Variants in SYNE2 observed in about 807,000 individuals in gnomAD.
SYNE2 encodes spectrin repeat containing nuclear envelope protein 2, also known as nesprin-2.
Under a neutral mutation model 856.3 loss-of-function variants are expected in SYNE2, and 431 were observed. The observed-to-expected ratio is 0.50, with a 90% CI of 0.47 to 0.55. The LOEUF is 0.55. Among genes scored for constraint, SYNE2 ranks in the 20% least tolerant of loss-of-function variants. SYNE2 has a pLI of 0.00. For missense variants in SYNE2, 8,129 were observed against 8,023.2 expected (o/e 1.01, Z -0.50); for synonymous variants, 2,923 against 2,872.3 (o/e 1.02, Z -0.56).
intron 1 of SYNE2, among the ~76,000 whole-genome samples, chr14:63,805,258 C>T (rs1310261900): frequency 6.6e-6 from 1 of 152,134 alleles, no homozygotes; most frequent in Admixed American, 6.5e-5. Context: ...TGAAAAATGT[C>T]ATTGGTAGTT....
intron 100 of SYNE2, among the ~76,000 whole-genome samples, chr14:64,207,752 G>C (rs1391855774): frequency 6.6e-6 from 1 of 152,130 alleles, no homozygotes; most frequent in Non-Finnish European, 1.5e-5. Flanking sequence ...GTTAATAGTG[G>C]TTAAAGTAGT....
chr14:64,193,589 C>T (rs943991789), intron 99 of SYNE2, among the ~76,000 whole-genome samples: 1 of 152,002 alleles, frequency 6.6e-6, no homozygotes, highest in African/African-American at 2.4e-5. Context: ...CATAGGTACC[C>T]GGCCTTGTTA....
At chr14:63,804,484 T>A (rs145294954) in intron 1 of SYNE2, among the ~76,000 whole-genome samples, 59 of 152,200 alleles carry the variant, frequency 3.9e-4, no homozygotes, top group Non-Finnish European at 5.6e-4. Context: ...TTTCTTTTCT[T>A]TTCTTTTCCT....
intron 8 of SYNE2, among the ~76,000 whole-genome samples, chr14:63,955,785 A>G (rs8012022): frequency 0.19 from 29,639 of 152,152 alleles, 3,290 homozygotes; most frequent in African/African-American, 0.31. Flanking sequence ...TTTCTTATAG[A>G]TTTCATATAG....
intron 1 of SYNE2, among the ~76,000 whole-genome samples, chr14:63,814,721 C>CAT (rs1274280248): frequency 1.9e-4 from 17 of 88,866 alleles, no homozygotes; most frequent in African/African-American, 7.1e-4. Flanking sequence ...CATATATATC[C>CAT]ATATATATAT....
chr14:63,878,453 T>C (rs1056237154), intron 1 of SYNE2, among the ~76,000 whole-genome samples: 4 of 152,334 alleles, frequency 2.6e-5, no homozygotes, highest in Non-Finnish European at 5.9e-5. Context: ...CACACAAGAA[T>C]CAAGACAATC....
chr14:64,094,958 T>C (rs1264408794), intron 61 of SYNE2: 1 of 168,246 alleles, frequency 5.9e-6, no homozygotes, highest in South Asian at 2.1e-4. Flanking sequence ...TTAAAGTAGT[T>C]ATATTTTCTA....
At chr14:64,162,038 A>G (rs1595912040) in intron 87 of SYNE2, 34 bp from the exon 88 acceptor site, 1 of 1,612,996 alleles carries the variant, frequency 6.2e-7, no homozygotes. Flanking sequence ...GAAAGGAGAG[A>G]ATGAGGGTTA....
intron 79 of SYNE2, 134 bp from the exon 80 acceptor site, chr14:64,139,807 C>G: frequency 1.1e-6 from 1 of 889,896 alleles, no homozygotes; most frequent in East Asian, 2.5e-5. Context: ...TCCTTATTAA[C>G]GTCATGATAT....
chr14:64,094,070 C>A (rs535452721), intron 61 of SYNE2, among the ~76,000 whole-genome samples: 1 of 151,906 alleles, frequency 6.6e-6, no homozygotes, highest in Admixed American at 6.6e-5. Flanking sequence ...CGGTGGCTCA[C>A]GCCTGTAATC....
intron 1 of SYNE2, among the ~76,000 whole-genome samples, chr14:63,834,144 G>A (rs1889767326): frequency 6.6e-6 from 1 of 152,092 alleles, no homozygotes; most frequent in Non-Finnish European, 1.5e-5. Flanking sequence ...ACTCTTCTGA[G>A]TTTCTTAATT....
chr14:64,191,550 A>T (rs956743367), intron 99 of SYNE2, among the ~76,000 whole-genome samples: 1 of 152,214 alleles, frequency 6.6e-6, no homozygotes, highest in African/African-American at 2.4e-5. Flanking sequence ...GGAAGTGATG[A>T]GAAGCCCCAC....
At chr14:63,971,443 G>C (rs1406544588) in intron 11 of SYNE2, among the ~76,000 whole-genome samples, 3 of 151,888 alleles carry the variant, frequency 2.0e-5, no homozygotes, top group Admixed American at 6.6e-5. Context: ...CTAAGTTATT[G>C]TACAACTTTT....
chr14:63,954,816 A>G lies in SYNE2; in HGVS notation c.688A>G (p.Met230Val), dbSNP rs762228781. 8.1e-6 allele frequency: 13 copies of G among 1,613,992 alleles called. No individual in the cohort carries two copies. The highest frequency in any genetic ancestry group is 4.4e-5 in the South Asian group (4 of 91,078). Residue 230 changes from methionine (M) to valine (V), a missense_variant, in exon 8 of 116, where the codon ATG (methionine) becomes GTG (valine). Physicochemically the swap from Met to Val is conservative, Grantham distance 21. Coordinates refer to ENST00000555002, the MANE Select transcript of SYNE2 (RefSeq NM_182914.3). ...TGCCTTGCGACCAGACCTAATTGAC[A>G]TGAAGAGTGTGAAGCATAGATCCAA... ...IHALRPDLID[M>V]KSVKHRSNKD...
intron 1 of SYNE2, among the ~76,000 whole-genome samples, chr14:63,838,637 G>A (rs1889943169): frequency 1.3e-5 from 2 of 152,086 alleles, no homozygotes; most frequent in South Asian, 4.2e-4. Flanking sequence ...AGCCTCCGTA[G>A]TAGCCAGACT....
At chr14:64,105,617 C>G (rs942952234) in intron 64 of SYNE2, among the ~76,000 whole-genome samples, 2 of 152,206 alleles carry the variant, frequency 1.3e-5, no homozygotes, top group African/African-American at 4.8e-5. Context: ...ATTATAATAT[C>G]CACATGCTTT....
In SYNE2 at chr14:64,052,741, A is replaced by C. The variant is rs745483604; in HGVS notation, c.8828A>C (p.Lys2943Thr). 32 of 1,612,962 alleles carry C rather than the reference A, an allele frequency of 2.0e-5. No individual in the cohort carries two copies. The highest frequency in any genetic ancestry group is 2.6e-5 in the Non-Finnish European group (31 of 1,179,470). Residue 2943 changes from lysine to threonine, a missense_variant, in exon 48 of 116, where the codon AAG (lysine) becomes ACG (threonine). Transcript: ENST00000555002. ...TGTAATGAAGTGGAACACAAGATAA[A>C]GTTTTGCAGACAATTCCATGAAAAA... ...NTCNEVEHKI[K>T]FCRQFHEKTS...
At chr14:63,770,429 G>A (rs1252571560) in intron 1 of SYNE2, among the ~76,000 whole-genome samples, 1 of 152,146 alleles carries the variant, frequency 6.6e-6, no homozygotes, top group East Asian at 1.9e-4. Flanking sequence ...GTATTTTGGA[G>A]AATTTCTTGT....
At chr14:63,881,324 G>C (rs1424622307) in intron 1 of SYNE2, among the ~76,000 whole-genome samples, 3 of 151,910 alleles carry the variant, frequency 2.0e-5, no homozygotes, top group Non-Finnish European at 4.4e-5. Context: ...GCTATTACCA[G>C]GATGATTGTT....
Sources: gnomAD v4.1 joint callset for allele counts (sites outside exome capture counted in the v4.1 genomes callset) on GRCh38, gnomAD v4.1.1 for gene constraint, MANE v1.5 for transcripts, NCBI Gene and HGNC (gene_info 2026-07-23, HGNC 2026-07-21) for gene names.